CFAP92: variants seen among roughly 807,000 people sequenced by gnomAD.
The protein encoded by CFAP92 is uncharacterized protein CFAP92.
A neutral mutation model predicts 106.3 loss-of-function variants in CFAP92; 86 were observed. The ratio of observed to expected loss-of-function variants is 0.81; its 90% confidence interval spans 0.68 to 0.97. The LOEUF is 0.97. CFAP92 is among the 50% of genes least tolerant of loss of function. The probability of loss-of-function intolerance (pLI) is 0.00; values close to 1 mark genes in which losing one functional copy is unlikely to be tolerated. For missense variants in CFAP92, 1,204 were observed against 1,283.8 expected, an observed-to-expected ratio of 0.94 and a Z score of 0.95; for synonymous variants, 477 against 506.4, an observed-to-expected ratio of 0.94 and a Z score of 0.78.
At chr3:128,926,538 C>T (rs1361830858) in intron 12 of CFAP92, among the ~76,000 whole-genome samples, 1 of 152,138 alleles carries the variant, frequency 6.6e-6, no homozygotes, top group Non-Finnish European at 1.5e-5. Context: ...GCAAGGCAAG[C>T]ATGTCTGCTC....
rs1206166151 is a variant in CFAP92, at chr3:128,915,223, C to T, written c.3176G>A (p.Arg1059Gln). ...GTGCCTGTCCCAGCTCCACCTGTCT[C>T]GATCCAACACAGGCTCCAGTACATT... ...FANVLEPVLD[R>Q]DRWSWDRHHV... Residue 1059 changes from arginine to glutamine, a missense_variant, in exon 15 of 16, where the codon CGA (arginine) becomes CAA (glutamine). Coordinates refer to ENST00000645291, the MANE Select transcript of CFAP92 (RefSeq NM_001394090.1). 7 of 1,536,038 alleles carry T rather than the reference C, an allele frequency of 4.6e-6. No homozygotes were observed. The highest frequency in any genetic ancestry group is 2.7e-5 in the African/African-American group (2 of 73,030).
chr3:128,974,082 A>G (rs1487927273), intron 7 of CFAP92, among the ~76,000 whole-genome samples: 2 of 152,214 alleles, frequency 1.3e-5, no homozygotes, highest in East Asian at 3.8e-4. Context: ...CACATGTGAA[A>G]GTGTGACTTA....
rs537477789 is a variant in CFAP92 at position 128,915,053 on chromosome 3, G to A, written c.3280+66C>T. 38 of 1,468,524 alleles carry A rather than the reference G, an allele frequency of 2.6e-5. No individual in the cohort carries two copies. The Admixed American group carries it at 7.5e-4, about 29-fold the overall frequency. The allele number at this position is 1,468,524 out of a possible 1,614,324, so 91.0% of individuals were successfully genotyped here. A position where few individuals can be genotyped will look rare whatever the true frequency, so the allele number is the denominator to read the frequency against. Reference sequence around the variant, plus strand: ...AAATGGATACCACTGAAGATGCAGAGTGGCACAGAGCTCCTGCCTGCCCAC... The same window carrying A: ...AAATGGATACCACTGAAGATGCAGAATGGCACAGAGCTCCTGCCTGCCCAC... On this transcript the variant is annotated intron_variant, in intron 15 of 15. Transcript: ENST00000645291.
chr3:128,927,455 TC>T (rs1937799804), intron 12 of CFAP92, among the ~76,000 whole-genome samples: 1 of 152,126 alleles, frequency 6.6e-6, no homozygotes, highest in Admixed American at 6.5e-5. Flanking sequence ...GCGCGGTGGC[TC>T]ACACCTGTAA....
chr3:128,960,917 A>G (rs1261798685), intron 9 of CFAP92, among the ~76,000 whole-genome samples: 1 of 152,102 alleles, frequency 6.6e-6, no homozygotes, highest in Non-Finnish European at 1.5e-5. Flanking sequence ...CTAGGGGGCA[A>G]GAACCCCCAA....
chr3:128,987,619 A>C lies in CFAP92; in HGVS notation c.664T>G (p.Ser222Ala). ...FTDDVGAFHK[S>A]EVRHLVLNQR... The stretch of plus-strand genomic sequence containing the variant: ...ATTTCAAATAAAACCAGAGCACCTG[A>C]CTTATGAAAAGCTCCCACGTCGTCT... The change falls in exon 4 of 16, where the codon TCA becomes GCA. Residue 222 changes from serine (S) to alanine (A), a missense_variant. Ser to Ala is a moderately conservative substitution (Grantham distance 99). Transcript: ENST00000645291. 6.2e-7 allele frequency: 1 copy of C among 1,613,680 alleles called. No individual in the cohort carries two copies. The highest frequency in any genetic ancestry group is 8.5e-7 in the Non-Finnish European group (1 of 1,179,658).
chr3:129,013,844 T>C, the CFAP92 span, among the ~76,000 whole-genome samples: 4 of 152,168 alleles, frequency 2.6e-5, no homozygotes, highest in African/African-American at 7.2e-5. Flanking sequence ...GATGGGGGGC[T>C]ACTTGTGGGC....
intron 9 of CFAP92, among the ~76,000 whole-genome samples, chr3:128,953,764 C>G (rs935551882): frequency 8.1e-6 from 1 of 123,798 alleles, no homozygotes; most frequent in African/African-American, 4.2e-5. Flanking sequence ...TGCAGGCACG[C>G]GCCACCACGC....
chr3:128,921,240 C>A (rs1937256527), intron 12 of CFAP92, among the ~76,000 whole-genome samples: 1 of 152,216 alleles, frequency 6.6e-6, no homozygotes, highest in Admixed American at 6.5e-5. Context: ...AGTGAAGGAA[C>A]ACTAGAGTGT....
At chr3:128,940,271 A>C (rs1939494767) in intron 10 of CFAP92, among the ~76,000 whole-genome samples, 1 of 152,184 alleles carries the variant, frequency 6.6e-6, no homozygotes, top group Non-Finnish European at 1.5e-5. Context: ...ATGAGTGTAC[A>C]AAGTTTAGTA....
In CFAP92 at chr3:128,935,185, T is replaced by TGCA; in HGVS notation, c.2390_2392dup (p.Leu797dup). Reference sequence around the variant, plus strand: ...GTCTCGCAGGAAGAACACCGCCTGCTGCAGCAGCAGCTCCGTGGGCTGGAA... The same window carrying TGCA: ...GTCTCGCAGGAAGAACACCGCCTGCTGCAGCAGCAGCAGCTCCGTGGGCTGGAA... On this transcript the variant is annotated inframe_insertion, in exon 11 of 16. Coordinates refer to ENST00000645291, the MANE Select transcript of CFAP92 (RefSeq NM_001394090.1). 1 of 1,535,966 alleles carries TGCA rather than the reference T, an allele frequency of 6.5e-7. No homozygotes were observed. Among genetic ancestry groups the TGCA allele is most frequent in the Non-Finnish European group, 8.7e-7 (1 of 1,146,768 alleles).
intron 9 of CFAP92, among the ~76,000 whole-genome samples, chr3:128,956,184 T>TAAAAAAAAAAA (rs369899266): frequency 1.4e-4 from 7 of 49,224 alleles, no homozygotes; most frequent in South Asian, 7.6e-4. Flanking sequence ...AAAAATAAAT[T>TAAAAAAAAAAA]AAAAAAAAAA....
chr3:129,012,876 T>C, the CFAP92 span, among the ~76,000 whole-genome samples: 2 of 152,110 alleles, frequency 1.3e-5, no homozygotes, highest in Non-Finnish European at 2.9e-5. Context: ...AGAGCGGGCA[T>C]TGGGCATTTT....
At chr3:128,930,052 T>A (rs1237236339) in intron 12 of CFAP92, among the ~76,000 whole-genome samples, 2 of 152,220 alleles carry the variant, frequency 1.3e-5, no homozygotes, top group Admixed American at 6.5e-5. Context: ...CATGATTTTT[T>A]AAAAAGCTGG....
chr3:128,936,234 T>C (rs1939008043), intron 10 of CFAP92, among the ~76,000 whole-genome samples: 1 of 152,264 alleles, frequency 6.6e-6, no homozygotes, highest in South Asian at 2.1e-4. Context: ...TGCCTTCATC[T>C]CCCCTTCAGG....
intron 12 of CFAP92, among the ~76,000 whole-genome samples, chr3:128,919,240 A>T (rs1336952011): frequency 6.6e-6 from 1 of 151,478 alleles, no homozygotes; most frequent in African/African-American, 2.4e-5. Flanking sequence ...CACTGCACCC[A>T]GCCTGGATTT....
At chr3:129,018,870 G>A in the CFAP92 span, among the ~76,000 whole-genome samples, 3 of 152,256 alleles carry the variant, frequency 2.0e-5, no homozygotes, top group South Asian at 4.1e-4. Context: ...CTCCCCACTC[G>A]GCGCTGGAGT....
At chr3:128,964,823 T>G (rs553729960) in intron 9 of CFAP92, among the ~76,000 whole-genome samples, 1 of 151,336 alleles carries the variant, frequency 6.6e-6, no homozygotes, top group Non-Finnish European at 1.5e-5. Flanking sequence ...GTTCCCACGC[T>G]GCCCCTAATC....
At chr3:129,024,867 G>A in the CFAP92 span, among the ~76,000 whole-genome samples, 4 of 152,186 alleles carry the variant, frequency 2.6e-5, no homozygotes, top group Non-Finnish European at 4.4e-5. Flanking sequence ...CAGAGGGAGA[G>A]GTGAGTTCTG....
Sources: allele counts gnomAD v4.1 joint callset (sites outside exome capture counted in the v4.1 genomes callset), GRCh38; gene constraint gnomAD v4.1.1; transcripts MANE v1.5; gene names NCBI Gene and HGNC (gene_info 2026-07-23, HGNC 2026-07-21).